CKLF: variants seen among roughly 807,000 people sequenced by gnomAD.
CKLF encodes the protein chemokine-like factor.
Under a neutral mutation model 12.9 loss-of-function variants are expected in CKLF, and 16 were observed. That is an observed-to-expected ratio of 1.24 (90% CI 0.84 to 1.88). CKLF has a LOEUF of 1.88. Among genes scored for constraint, CKLF ranks in the 40% most tolerant of loss-of-function variants. The pLI, the probability that CKLF is intolerant of heterozygous loss-of-function variation, is 0.00. For missense variants in CKLF, 172 were observed against 188.5 expected (o/e 0.91, Z 0.51); for synonymous variants, 61 against 69.0 (o/e 0.88, Z 0.57).
chr16:66,552,603 A>T lies in CKLF; in HGVS notation c.-113A>T. On this transcript the variant is annotated 5_prime_UTR_variant, in exon 1 of 4. Transcript: ENST00000264001. ...CGGGAAGCCGAGCTGGGCGAGAAGT[A>T]GGGGAGGGCGGTGCTCCGCCGCGGT... 6.5e-7 allele frequency: 1 copy of T among 1,526,788 alleles called. No individual in the cohort carries two copies. Among genetic ancestry groups the T allele is most frequent in the Non-Finnish European group, 9.0e-7 (1 of 1,110,492 alleles). 94.6% of individuals were successfully genotyped at this position (1,526,788 alleles called of 1,614,324 possible).
downstream of CKLF, chr16:66,566,241 T>C: frequency 6.8e-7 from 1 of 1,470,580 alleles, no homozygotes; most frequent in Non-Finnish European, 8.9e-7. This position sits in a 1 kb window ranked among gnomAD's most constrained non-coding sequence, Gnocchi z 4.9. Flanking sequence ...GGGATCCGCC[T>C]CAGGGATCTT....
At chr16:66,554,774 A>C (rs889105423) in intron 1 of CKLF, among the ~76,000 whole-genome samples, 44 of 152,316 alleles carry the variant, frequency 2.9e-4, no homozygotes, top group African/African-American at 1.0e-3. Context: ...CTATGAGAAT[A>C]CCTGGAAGAA....
intron 2 of CKLF, 141 bp downstream of exon 2, chr16:66,558,489 T>A: frequency 8.2e-7 from 1 of 1,216,322 alleles, no homozygotes; most frequent in Non-Finnish European, 1.1e-6. Flanking sequence ...CCATTGCTAA[T>A]GTGCCCTGTA....
chr16:66,562,175 C>G (rs764025790), intron 2 of CKLF, among the ~76,000 whole-genome samples: 10 of 151,916 alleles, frequency 6.6e-5, no homozygotes, highest in African/African-American at 9.7e-5. Flanking sequence ...ATCTCCGTCT[C>G]CTGGCTTCAA....
chr16:66,558,495 C>G, intron 2 of CKLF, 147 bp downstream of exon 2: 1 of 1,157,380 alleles, frequency 8.6e-7, no homozygotes, highest in Non-Finnish European at 1.2e-6. Context: ...CTAATGTGCC[C>G]TGTATTGCTT....
At chr16:66,557,686 G>A (rs1206793744) in intron 1 of CKLF, among the ~76,000 whole-genome samples, 1 of 152,214 alleles carries the variant, frequency 6.6e-6, no homozygotes, top group Admixed American at 6.5e-5. Context: ...AGGAGTATGT[G>A]TGTGTGTATT....
chr16:66,564,419 A>G (rs2011991218), intron 3 of CKLF, among the ~76,000 whole-genome samples: 1 of 152,014 alleles, frequency 6.6e-6, no homozygotes, highest in Non-Finnish European at 1.5e-5. Context: ...AAATGATAAT[A>G]TTTTAGACAT....
intron 2 of CKLF, among the ~76,000 whole-genome samples, chr16:66,558,870 A>G (rs934729330): frequency 2.0e-5 from 3 of 152,236 alleles, no homozygotes; most frequent in Non-Finnish European, 4.4e-5. Context: ...TATATTTCAT[A>G]GTATATAGAC....
At chr16:66,558,530 G>C (rs1194994889) in intron 2 of CKLF, 182 bp downstream of exon 2, 1 of 743,980 alleles carries the variant, frequency 1.3e-6, no homozygotes, top group Non-Finnish European at 2.0e-6. Flanking sequence ...AAGGATGCAG[G>C]GCAGCCACAG....
At chr16:66,560,232 G>A (rs948496844) in intron 2 of CKLF, among the ~76,000 whole-genome samples, 1 of 152,208 alleles carries the variant, frequency 6.6e-6, no homozygotes, top group Admixed American at 6.5e-5. Flanking sequence ...GGACCTGCAG[G>A]TGTATCTGAA....
intron 1 of CKLF, among the ~76,000 whole-genome samples, chr16:66,553,736 A>T (rs2011290277): frequency 1.3e-5 from 2 of 152,222 alleles, no homozygotes; most frequent in African/African-American, 4.8e-5. Context: ...AGAGCTCCCA[A>T]AACTAAATGG....
intron 1 of CKLF, among the ~76,000 whole-genome samples, chr16:66,555,163 A>G (rs2011382803): frequency 6.6e-6 from 1 of 152,154 alleles, no homozygotes; most frequent in Non-Finnish European, 1.5e-5. Flanking sequence ...CTGGAACCGG[A>G]GAGACAGAGG....
chr16:66,563,687 A>G (rs1233437096), intron 3 of CKLF, among the ~76,000 whole-genome samples: 1 of 152,202 alleles, frequency 6.6e-6, no homozygotes, highest in Non-Finnish European at 1.5e-5. Flanking sequence ...TGATGTCCTT[A>G]CGGTAAGAGA....
intron 1 of CKLF, among the ~76,000 whole-genome samples, chr16:66,554,329 A>G (rs1258013988): frequency 6.6e-6 from 1 of 152,260 alleles, no homozygotes; most frequent in Non-Finnish European, 1.5e-5. Flanking sequence ...GGTGTCAGAA[A>G]AAAGCTCTTC....
At chr16:66,555,376 G>T (rs2011397331) in intron 1 of CKLF, among the ~76,000 whole-genome samples, 1 of 152,206 alleles carries the variant, frequency 6.6e-6, no homozygotes, top group African/African-American at 2.4e-5. Flanking sequence ...ATGGTGGCTG[G>T]TGGTAGCAAA....
intron 2 of CKLF, among the ~76,000 whole-genome samples, chr16:66,561,550 T>TTGC (rs1336735904): frequency 2.0e-5 from 3 of 152,152 alleles, no homozygotes; most frequent in Admixed American, 2.0e-4. Context: ...CTATAAACCC[T>TTGC]TGCCCAGATT....
At chr16:66,553,876 C>A (rs2011296794) in intron 1 of CKLF, among the ~76,000 whole-genome samples, 1 of 152,164 alleles carries the variant, frequency 6.6e-6, no homozygotes, top group South Asian at 2.1e-4. Context: ...ATCCTTCTCA[C>A]ACCAAAAGTC....
At position 66,563,218 on chromosome 16, in the gene CKLF, G is replaced by A; in HGVS notation, c.333+1G>A. On this transcript the variant is annotated splice_donor_variant, in intron 3 of 3. Transcript: ENST00000264001. LOFTEE classifies it high-confidence loss of function. Reference sequence around the variant, plus strand: ...CACAACATTGACAGTTGGTGGAGGGGTAAGTGGAAGTCTTTCTGCTTGCTT... The same window carrying A: ...CACAACATTGACAGTTGGTGGAGGGATAAGTGGAAGTCTTTCTGCTTGCTT... 6.2e-7 allele frequency: 1 copy of A among 1,612,578 alleles called. No individual in the cohort carries two copies. The highest frequency in any genetic ancestry group is 8.5e-7 in the Non-Finnish European group (1 of 1,179,686).
chr16:66,566,097 T>G, downstream of CKLF: 1 of 1,611,822 alleles, frequency 6.2e-7, no homozygotes, highest in Non-Finnish European at 8.5e-7. This position sits in a 1 kb window ranked among gnomAD's most constrained non-coding sequence, Gnocchi z 4.9. Context: ...TTTAACTCAG[T>G]ATAGGAGCTA....
Sources: allele counts gnomAD v4.1 joint callset (sites outside exome capture counted in the v4.1 genomes callset), GRCh38; gene constraint gnomAD v4.1.1; non-coding constraint Gnocchi (gnomAD v3.1); transcripts MANE v1.5; gene names NCBI Gene and HGNC (gene_info 2026-07-23, HGNC 2026-07-21).